Variants in LMX1A observed in about 807,000 individuals in gnomAD.
LMX1A encodes the protein LIM homeobox transcription factor 1-alpha.
In LMX1A, 15 loss-of-function variants were observed where a neutral mutation model predicts 49.1. The observed-to-expected ratio is 0.31, with a 90% confidence interval of 0.20 to 0.47. The LOEUF (loss-of-function observed/expected upper bound fraction) is 0.47, where lower values mean the gene tolerates loss of function less well. LMX1A is among the 20% of genes least tolerant of loss of function. LMX1A has a pLI of 1.00. For synonymous variants in LMX1A, 167 were observed against 185.7 expected (o/e 0.90, Z 0.82); for missense variants, 372 against 475.8 (o/e 0.78, Z 2.03).
intron 3 of LMX1A, among the ~76,000 whole-genome samples, chr1:165,287,808 G>A (rs554266022): frequency 2.0e-5 from 3 of 152,168 alleles, no homozygotes; most frequent in African/African-American, 2.4e-5. Flanking sequence ...ACAGACTGAC[G>A]TACTATATGC....
intron 4 of LMX1A, among the ~76,000 whole-genome samples, chr1:165,219,321 G>A (rs2102610004): frequency 6.6e-6 from 1 of 152,272 alleles, no homozygotes; most frequent in Middle Eastern, 3.4e-3. Flanking sequence ...GGGAGGGGAT[G>A]AGAGACCTTC....
At chr1:165,247,838 C>A (rs528513934) in intron 4 of LMX1A, among the ~76,000 whole-genome samples, 23 of 152,300 alleles carry the variant, frequency 1.5e-4, no homozygotes, top group African/African-American at 5.5e-4. Flanking sequence ...TGCCCAAAGT[C>A]ACAGAGATAT....
chr1:165,356,554 G>T lies in LMX1A; in HGVS notation c.-222C>A, dbSNP rs1316558889. The stretch of plus-strand genomic sequence containing the variant: ...GCGCGCCCAGGCTGGGCCGGGACGT[G>T]GTCGCGAGCTGCCGGCCTTCCCGGG... On this transcript the variant is annotated 5_prime_UTR_variant, in exon 1 of 9. Coordinates refer to ENST00000342310, the MANE Select transcript of LMX1A (RefSeq NM_177398.4). The T allele has an allele frequency of 6.6e-6, 1 of 152,182 alleles. No individual in the cohort carries two copies. Among genetic ancestry groups the T allele is most frequent in the Non-Finnish European group, 1.5e-5 (1 of 68,022 alleles). The allele number at this position is 152,182 out of a possible 1,614,324, so 9.4% of individuals were successfully genotyped here.
At chr1:165,207,179 C>T (rs1284303446) in intron 7 of LMX1A, among the ~76,000 whole-genome samples, 1 of 152,206 alleles carries the variant, frequency 6.6e-6, no homozygotes, top group Non-Finnish European at 1.5e-5. Flanking sequence ...TCGCAGGTGA[C>T]TTACGTGCAT....
intron 3 of LMX1A, among the ~76,000 whole-genome samples, chr1:165,334,966 T>C (rs893836521): frequency 1.3e-5 from 2 of 152,230 alleles, no homozygotes; most frequent in Non-Finnish European, 2.9e-5. Flanking sequence ...CCTGATGCAG[T>C]AATTCTTCCC....
At chr1:165,326,246 C>T (rs1655577334) in intron 3 of LMX1A, among the ~76,000 whole-genome samples, 1 of 152,160 alleles carries the variant, frequency 6.6e-6, no homozygotes, top group African/African-American at 2.4e-5. Context: ...GGGTTTTGGA[C>T]ATGCCTGAGC....
chr1:165,312,481 T>C (rs1213728408), intron 3 of LMX1A, among the ~76,000 whole-genome samples: 1 of 152,002 alleles, frequency 6.6e-6, no homozygotes, highest in Non-Finnish European at 1.5e-5. Flanking sequence ...CTAGCTGGGC[T>C]CTATGACAGG....
At chr1:165,257,004 A>T (rs1424450513) in intron 3 of LMX1A, among the ~76,000 whole-genome samples, 1 of 152,026 alleles carries the variant, frequency 6.6e-6, no homozygotes, top group African/African-American at 2.4e-5. Flanking sequence ...CAGTGTCTTC[A>T]TTGTTAGAAC....
At chr1:165,253,463 C>T (rs1309952535) in intron 3 of LMX1A, among the ~76,000 whole-genome samples, 1 of 152,070 alleles carries the variant, frequency 6.6e-6, no homozygotes, top group East Asian at 1.9e-4. Flanking sequence ...GAGAAGTTCC[C>T]AGGGAGGCAT....
At chr1:165,347,302 CT>C (rs899688040) in intron 3 of LMX1A, among the ~76,000 whole-genome samples, 4 of 152,238 alleles carry the variant, frequency 2.6e-5, no homozygotes, top group African/African-American at 9.6e-5. Context: ...GAAAAGGCCA[CT>C]GGCAGTGACT....
At chr1:165,223,313 C>T (rs779681898) in intron 4 of LMX1A, among the ~76,000 whole-genome samples, 3 of 152,084 alleles carry the variant, frequency 2.0e-5, no homozygotes, top group African/African-American at 4.8e-5. Context: ...CTTGGCTGTT[C>T]GTGAACTTAC....
At chr1:165,297,870 G>A (rs1352067216) in intron 3 of LMX1A, among the ~76,000 whole-genome samples, 2 of 152,158 alleles carry the variant, frequency 1.3e-5, no homozygotes, top group Admixed American at 1.3e-4. Flanking sequence ...AAGTCATTCA[G>A]CCTCTCAGAT....
intron 4 of LMX1A, among the ~76,000 whole-genome samples, chr1:165,245,865 A>G (rs555870214): frequency 2.9e-4 from 44 of 152,136 alleles, no homozygotes; most frequent in African/African-American, 9.6e-4. Context: ...CTTTTTGAAC[A>G]TCGGGAGTAT....
At chr1:165,266,595 C>CTTTT (rs61551654) in intron 3 of LMX1A, among the ~76,000 whole-genome samples, 986 of 79,150 alleles carry the variant, frequency 0.012, 38 homozygotes, top group African/African-American at 0.019. Flanking sequence ...TTCTTTCTTT[C>CTTTT]TTTTTTTTTT....
intron 3 of LMX1A, among the ~76,000 whole-genome samples, chr1:165,326,189 C>A (rs988863510): frequency 6.6e-6 from 1 of 151,912 alleles, no homozygotes; most frequent in Non-Finnish European, 1.5e-5. Context: ...GAGCTAGAGA[C>A]GGGGAGGAGG....
At chr1:165,239,443 A>G (rs191205851) in intron 4 of LMX1A, among the ~76,000 whole-genome samples, 1 of 152,342 alleles carries the variant, frequency 6.6e-6, no homozygotes, top group East Asian at 1.9e-4. Flanking sequence ...ATTCTGGCTT[A>G]TCCCTGGCTC....
intron 3 of LMX1A, among the ~76,000 whole-genome samples, chr1:165,254,154 A>G (rs1057273406): frequency 7.2e-5 from 11 of 152,190 alleles, no homozygotes; most frequent in African/African-American, 2.4e-4. Flanking sequence ...AGAAGCTGCA[A>G]CAGCAGGTGG....
intron 7 of LMX1A, chr1:165,207,730 C>G (rs980858280): frequency 6.6e-6 from 2 of 302,098 alleles, no homozygotes; most frequent in South Asian, 3.1e-4. Context: ...AATCAATTAG[C>G]CTGGAAGGAG....
intron 7 of LMX1A, among the ~76,000 whole-genome samples, chr1:165,206,817 C>T (rs190523935): frequency 1.3e-5 from 2 of 152,308 alleles, no homozygotes; most frequent in Admixed American, 1.3e-4. Flanking sequence ...CCCTTCCCCA[C>T]ACCTATGCCC....
Sources: gnomAD v4.1 joint callset for allele counts (sites outside exome capture counted in the v4.1 genomes callset) on GRCh38, gnomAD v4.1.1 for gene constraint, MANE v1.5 for transcripts, NCBI Gene and HGNC (gene_info 2026-07-23, HGNC 2026-07-21) for gene names.